Variants in PREX1 observed in about 807,000 individuals in gnomAD.
The protein encoded by PREX1 is phosphatidylinositol 3,4,5-trisphosphate-dependent Rac exchanger 1 protein.
Under a neutral mutation model 198.3 loss-of-function variants are expected in PREX1, and 41 were observed. The ratio of observed to expected loss-of-function variants is 0.21; its 90% CI spans 0.16 to 0.27. The LOEUF is 0.27. Among genes scored for constraint, PREX1 ranks in the 10% least tolerant of loss-of-function variants. PREX1 has a pLI of 1.00. For missense variants in PREX1, 1,620 were observed against 2,200.7 expected, an observed-to-expected ratio of 0.74 and a Z score of 5.28; for synonymous variants, 843 against 887.2, an observed-to-expected ratio of 0.95 and a Z score of 0.89.
At chr20:48,863,586 C>CTTTTTTTTTT in the PREX1 span, among the ~76,000 whole-genome samples, 3 of 104,352 alleles carry the variant, frequency 2.9e-5, no homozygotes, top group Non-Finnish European at 3.9e-5. Context: ...TTCATATTGT[C>CTTTTTTTTTT]TTTTTTTTTT....
At chr20:48,773,870 T>A (rs945136754) in intron 1 of PREX1, among the ~76,000 whole-genome samples, 4 of 152,188 alleles carry the variant, frequency 2.6e-5, no homozygotes, top group African/African-American at 7.2e-5. Flanking sequence ...AACAACAGAC[T>A]GTAGCAGGGA....
chr20:48,664,330 C>A (rs1400157892), intron 15 of PREX1, among the ~76,000 whole-genome samples: 4 of 151,214 alleles, frequency 2.6e-5, no homozygotes, highest in Non-Finnish European at 5.9e-5. Context: ...AGCCGAGATC[C>A]TGCCACTGCA....
chr20:48,726,669 G>T (rs1028689201), intron 4 of PREX1, among the ~76,000 whole-genome samples: 1 of 152,126 alleles, frequency 6.6e-6, no homozygotes, highest in Non-Finnish European at 1.5e-5. Context: ...GAGCTGAGTT[G>T]TTGGGGAAAA....
intron 7 of PREX1, among the ~76,000 whole-genome samples, chr20:48,696,432 A>C (rs191836060): frequency 1.3e-5 from 2 of 152,166 alleles, no homozygotes; most frequent in African/African-American, 4.8e-5. Context: ...CCATTACTCT[A>C]CGTGTCTGTT....
At chr20:48,637,183 T>G (rs1253439642) in intron 31 of PREX1, among the ~76,000 whole-genome samples, 1 of 152,260 alleles carries the variant, frequency 6.6e-6, no homozygotes, top group Admixed American at 6.5e-5. Flanking sequence ...TCTGAAGAAC[T>G]GGCCAGTTTC....
intron 3 of PREX1, among the ~76,000 whole-genome samples, chr20:48,735,332 C>A (rs754000699): frequency 6.6e-6 from 1 of 152,020 alleles, no homozygotes; most frequent in Non-Finnish European, 1.5e-5. Context: ...GTGCAAGAGA[C>A]CCGAACAAGC....
At chr20:48,651,975 T>C (rs2089501800) in intron 21 of PREX1, among the ~76,000 whole-genome samples, 1 of 152,076 alleles carries the variant, frequency 6.6e-6, no homozygotes, top group South Asian at 2.1e-4. Context: ...AAACAGATTC[T>C]CCCCGAGAGC....
At chr20:48,706,018 T>C (rs922264194) in intron 6 of PREX1, among the ~76,000 whole-genome samples, 4 of 152,190 alleles carry the variant, frequency 2.6e-5, no homozygotes, top group African/African-American at 9.6e-5. Context: ...ACCTCCCTTG[T>C]AGGGTTGGAA....
At chr20:48,859,801 T>C in the PREX1 span, among the ~76,000 whole-genome samples, 3 of 152,180 alleles carry the variant, frequency 2.0e-5, no homozygotes, top group Non-Finnish European at 4.4e-5. Context: ...ACAGACCACC[T>C]GAGGTCAGGA....
intron 1 of PREX1, among the ~76,000 whole-genome samples, chr20:48,823,592 G>A (rs933083299): frequency 5.3e-5 from 8 of 152,152 alleles, no homozygotes; most frequent in South Asian, 2.1e-4. Context: ...GAACAGACCC[G>A]GAGCCCAGAG....
At chr20:48,851,057 G>T in the PREX1 span, among the ~76,000 whole-genome samples, 1 of 152,176 alleles carries the variant, frequency 6.6e-6, no homozygotes, top group African/African-American at 2.4e-5. Flanking sequence ...AGTTTTATTG[G>T]CACACAGCCA....
intron 14 of PREX1, among the ~76,000 whole-genome samples, chr20:48,672,301 C>A (rs1265507843): frequency 6.6e-6 from 1 of 152,218 alleles, no homozygotes; most frequent in African/African-American, 2.4e-5. Flanking sequence ...CCCTACTCAC[C>A]CATGAGCAAC....
chr20:48,745,120 G>C lies in PREX1; in HGVS notation c.319C>G (p.Leu107Val). Residue 107 changes from leucine (L) to valine (V), a missense_variant, in exon 3 of 40, where the codon CTG becomes GTG. This residue lies in a region of PREX1 where 488 missense variants were observed against 802.5 expected (regional missense o/e 0.61). Coordinates refer to ENST00000371941, the MANE Select transcript of PREX1 (RefSeq NM_020820.4). ...KVLFSNIEDI[L>V]EVHKDFLAAL... is the part of the protein sequence containing the mutation. ...GCCAAGAAATCCTTATGAACTTCCA[G>C]GATGTCTTCGATGTTCGAGAACAGG... is the stretch of plus-strand genomic sequence containing the variant. The C allele has an allele frequency of 6.2e-7, 1 of 1,614,132 alleles. No homozygotes were observed. Among genetic ancestry groups the C allele is most frequent in the Non-Finnish European group, 8.5e-7 (1 of 1,179,974 alleles).
intron 1 of PREX1, among the ~76,000 whole-genome samples, chr20:48,754,443 G>A (rs530480643): frequency 1.3e-5 from 2 of 152,278 alleles, no homozygotes; most frequent in Admixed American, 6.5e-5. Flanking sequence ...GCCCTTAGGG[G>A]TGCCCCTGGG....
At chr20:48,730,132 G>T (rs755987750) in intron 4 of PREX1, among the ~76,000 whole-genome samples, 1 of 151,976 alleles carries the variant, frequency 6.6e-6, no homozygotes, top group Non-Finnish European at 1.5e-5. Context: ...AACTGAAAGA[G>T]AATCAATTTT....
intron 1 of PREX1, among the ~76,000 whole-genome samples, chr20:48,771,493 C>T (rs924148890): frequency 4.6e-5 from 7 of 152,004 alleles, no homozygotes; most frequent in South Asian, 4.2e-4. Context: ...AAGTTCTAGC[C>T]GGGCGTGGTG....
intron 16 of PREX1, among the ~76,000 whole-genome samples, chr20:48,658,962 C>T (rs994936804): frequency 1.3e-5 from 2 of 152,032 alleles, no homozygotes; most frequent in African/African-American, 2.4e-5. Context: ...GGCGCAATGG[C>T]TCACGCTTGT....
chr20:48,653,277 T>TGTCC (rs2089514856), intron 20 of PREX1, 84 bp downstream of exon 20: 3 of 1,545,260 alleles, frequency 1.9e-6, no homozygotes, highest in Non-Finnish European at 2.6e-6. Flanking sequence ...CATGCAGGCT[T>TGTCC]TTCTCTAAAG....
chr20:48,653,622 C>G (rs1437115666), intron 19 of PREX1, 125 bp from the exon 20 acceptor site: 8 of 1,209,414 alleles, frequency 6.6e-6, no homozygotes, highest in Non-Finnish European at 9.2e-6. Flanking sequence ...CCACCCCTCC[C>G]ACCCCAGAGC....
Sources: allele counts gnomAD v4.1 joint callset (sites outside exome capture counted in the v4.1 genomes callset), GRCh38; gene constraint gnomAD v4.1.1; regional missense constraint gnomAD v4.1.1; transcripts MANE v1.5; gene names NCBI Gene and HGNC (gene_info 2026-07-23, HGNC 2026-07-21).